Variants in PRR7 observed in about 807,000 individuals in gnomAD.
PRR7 encodes the protein proline rich 7, synaptic, also known as proline-rich protein 7.
A neutral mutation model predicts 18.5 loss-of-function variants in PRR7; 8 were observed. The observed-to-expected ratio is 0.43, with a 90% CI of 0.25 to 0.78. The LOEUF (loss-of-function observed/expected upper bound fraction) is 0.78, where lower values mean the gene tolerates loss of function less well. Ranked by LOEUF, PRR7 falls within the 30% of genes least tolerant of loss-of-function variation. The pLI is 0.22. For missense variants in PRR7, 396 were observed against 403.1 expected (o/e 0.98, Z 0.15); for synonymous variants, 221 against 187.7 (o/e 1.18, Z -1.45).
At position 177,454,780 on chromosome 5, in the gene PRR7, CGTT is replaced by C. The variant is rs1325663162; in HGVS notation, c.-239-47_-239-45del. On this transcript the variant is annotated intron_variant, in intron 2 of 3. Transcript: ENST00000323249. The surrounding 1 kb of genome is among the most constrained non-coding windows in gnomAD (Gnocchi z 4.7). Reference sequence around the variant, plus strand: ...AGGGCGCGGGCGGGGGCCGGGAAGTCGTTGGGGGCCGCGGCGCGCCTTCACTGC... The same window carrying C: ...AGGGCGCGGGCGGGGGCCGGGAAGTCGGGGGCCGCGGCGCGCCTTCACTGC... 1.0e-5 allele frequency: 2 copies of C among 195,518 alleles called. No individual in the cohort carries two copies. Among genetic ancestry groups the C allele is most frequent in the African/African-American group, 4.7e-5 (2 of 42,722 alleles). 12.1% of individuals were successfully genotyped at this position (195,518 alleles called of 1,614,324 possible).
chr5:177,451,922 T>C (rs775298024), intron 1 of PRR7, among the ~76,000 whole-genome samples: 10 of 134,822 alleles, frequency 7.4e-5, no homozygotes, highest in Non-Finnish European at 1.3e-4. Context: ...TGTCTGTTGG[T>C]ACCTCCACAC....
chr5:177,455,061 C>A lies in PRR7; in HGVS notation c.-7C>A. The stretch of plus-strand genomic sequence containing the variant: ...GCGTCTGAGGACCCGCCGCCCGTGC[C>A]GCCGCCATGGTGATGTCCCAGGGCA... On this transcript the variant is annotated 5_prime_UTR_variant, in exon 3 of 4. Coordinates refer to ENST00000323249, the MANE Select transcript of PRR7 (RefSeq NM_030567.5). This position sits in a 1 kb window ranked among gnomAD's most constrained non-coding sequence, Gnocchi z 6.9. 2 of 1,451,846 alleles carry A rather than the reference C, an allele frequency of 1.4e-6. No homozygotes were observed. Among genetic ancestry groups the A allele is most frequent in the South Asian group, 2.9e-5 (2 of 69,704 alleles). 89.9% of individuals were successfully genotyped at this position (1,451,846 alleles called of 1,614,324 possible). A position where few individuals can be genotyped will look rare whatever the true frequency, so the allele number is the denominator to read the frequency against.
rs758130783 is a variant in PRR7, at chr5:177,455,029, C to T, written c.-39C>T. 6 of 1,435,328 alleles carry T rather than the reference C, an allele frequency of 4.2e-6. No homozygotes were observed. Among genetic ancestry groups the T allele is most frequent in the Non-Finnish European group, 5.5e-6 (6 of 1,096,162 alleles). 88.9% of individuals were successfully genotyped at this position (1,435,328 alleles called of 1,614,324 possible). A position where few individuals can be genotyped will look rare whatever the true frequency, so the allele number is the denominator to read the frequency against. On this transcript the variant is annotated 5_prime_UTR_variant, in exon 3 of 4. The change creates a premature stop within an existing upstream ORF in the 5' untranslated region. Transcript: ENST00000323249. The surrounding 1 kb of genome is among the most constrained non-coding windows in gnomAD (Gnocchi z 6.9). ...GGGCCACGCAGCGGAGCCCAGTGTC[C>T]AGTGAAGCGTCTGAGGACCCGCCGC...
intron 1 of PRR7, among the ~76,000 whole-genome samples, chr5:177,452,898 C>T (rs530519949): frequency 3.9e-5 from 6 of 152,310 alleles, no homozygotes; most frequent in African/African-American, 1.4e-4. Flanking sequence ...ACAGCAGAGT[C>T]GGGCTGGTGA....
Position 177,455,571 on chromosome 5 carries a change from T to G in PRR7, c.427+77T>G. The G allele has an allele frequency of 7.1e-7, 1 of 1,418,244 alleles. No individual in the cohort carries two copies. Among genetic ancestry groups the G allele is most frequent in the South Asian group, 1.5e-5 (1 of 66,644 alleles). 87.9% of individuals were successfully genotyped at this position (1,418,244 alleles called of 1,614,324 possible). A position where few individuals can be genotyped will look rare whatever the true frequency, so the allele number is the denominator to read the frequency against. On this transcript the variant is annotated intron_variant, in intron 3 of 3. Transcript: ENST00000323249. The surrounding 1 kb of genome is among the most constrained non-coding windows in gnomAD (Gnocchi z 6.9). ...GCGTTGGAGGGCTCGCTGCTTACCC[T>G]CAGGGCTTCCATCCGCAGCCTCCGG...
chr5:177,448,627 AT>A (rs963718975), intron 1 of PRR7, among the ~76,000 whole-genome samples: 1 of 152,194 alleles, frequency 6.6e-6, no homozygotes, highest in African/African-American at 2.4e-5. Flanking sequence ...CAGTGAGGAC[AT>A]TCCCTGTCTT....
Position 177,455,045 on chromosome 5 carries a change from G to C in PRR7, c.-23G>C. 4 of 1,446,444 alleles carry C rather than the reference G, an allele frequency of 2.8e-6. No homozygotes were observed. Among genetic ancestry groups the C allele is most frequent in the Non-Finnish European group, 3.6e-6 (4 of 1,100,510 alleles). 89.6% of individuals were successfully genotyped at this position (1,446,444 alleles called of 1,614,324 possible). ...CCCAGTGTCCAGTGAAGCGTCTGAG[G>C]ACCCGCCGCCCGTGCCGCCGCCATG... On this transcript the variant is annotated 5_prime_UTR_variant, in exon 3 of 4. Transcript: ENST00000323249. This position sits in a 1 kb window ranked among gnomAD's most constrained non-coding sequence, Gnocchi z 6.9.
rs1338518521 is a variant in PRR7 at position 177,449,104 on chromosome 5, A to G, written c.-325+2144A>G. The stretch of plus-strand genomic sequence containing the variant: ...GAACCAGAAATCCAGACCTTTATAT[A>G]AAATCTCCTGGATTTTTAAATGTTG... On this transcript the variant is annotated intron_variant, in intron 1 of 3. Transcript: ENST00000323249. This position sits in a 1 kb window ranked among gnomAD's most constrained non-coding sequence, Gnocchi z 4.2. Among the ~76,000 whole-genome samples, 1 of 152,254 alleles carries G rather than the reference A, an allele frequency of 6.6e-6. No individual in the cohort carries two copies. The highest frequency in any genetic ancestry group is 1.5e-5 in the Non-Finnish European group (1 of 68,048).
At chr5:177,452,187 A>G (rs1234084419) in intron 1 of PRR7, among the ~76,000 whole-genome samples, 1 of 152,146 alleles carries the variant, frequency 6.6e-6, no homozygotes, top group Non-Finnish European at 1.5e-5. Context: ...CAAATGGCAG[A>G]CTTCGGTCCA....
rs766114858 is a variant in PRR7 at position 177,455,158 on chromosome 5, T to C, written c.91T>C (p.Cys31Arg). 6.3e-7 allele frequency: 1 copy of C among 1,575,862 alleles called. No homozygotes were observed. Among genetic ancestry groups the C allele is most frequent in the South Asian group, 1.1e-5 (1 of 87,200 alleles). ...WGLIVLLCCFCSFLRRRLKRR... is the reference protein window; with the variant it reads ...WGLIVLLCCFRSFLRRRLKRR... ...TCTCATCGTCCTGCTCTGCTGCTTC[T>C]GCAGCTTCCTGCGCCGCCGCCTCAA... Residue 31 changes from cysteine to arginine, a missense_variant, in exon 3 of 4, where the codon TGC (cysteine) becomes CGC (arginine). Around this residue, in one of 2 missense-constraint regions of PRR7, gnomAD observed 383 missense variants for 372.6 expected, o/e 1.03. Transcript: ENST00000323249. The surrounding 1 kb of genome is among the most constrained non-coding windows in gnomAD (Gnocchi z 6.9).
intron 1 of PRR7, 110 bp from the exon 2 acceptor site, chr5:177,453,846 G>C (rs1756268194): frequency 6.6e-6 from 1 of 152,302 alleles, no homozygotes; most frequent in Admixed American, 6.5e-5. Flanking sequence ...GTTCAAACCT[G>C]TGTGTATAAG....
At chr5:177,451,020 TGGG>T (rs1031802443) in intron 1 of PRR7, among the ~76,000 whole-genome samples, 11 of 152,030 alleles carry the variant, frequency 7.2e-5, no homozygotes, top group African/African-American at 2.4e-4. Flanking sequence ...AGCATGGTGA[TGGG>T]GGCCAGGGGA....
chr5:177,451,238 G>C (rs1277562151), intron 1 of PRR7, among the ~76,000 whole-genome samples: 1 of 152,236 alleles, frequency 6.6e-6, no homozygotes, highest in East Asian at 1.9e-4. Flanking sequence ...ATGCAGCCAG[G>C]CCCTGGCTCT....
Position 177,456,262 on chromosome 5 carries a change from A to G in PRR7, c.*141A>G. ...GTTTGTTACATTTTGAGGATAATAA[A>G]GGTGTGTGATCTGGTTTGGTACAAG... On this transcript the variant is annotated 3_prime_UTR_variant, in exon 4 of 4. Transcript: ENST00000323249. The G allele has an allele frequency of 8.8e-7, 1 of 1,136,206 alleles. No individual in the cohort carries two copies. Among genetic ancestry groups the G allele is most frequent in the Non-Finnish European group, 1.2e-6 (1 of 847,552 alleles). The allele number at this position is 1,136,206 out of a possible 1,614,324, so 70.4% of individuals were successfully genotyped here.
Position 177,455,689 on chromosome 5 carries a change from G to A in PRR7, c.428-35G>A, listed in dbSNP as rs765476096. 1.1e-5 allele frequency: 16 copies of A among 1,519,342 alleles called. No homozygotes were observed. Among genetic ancestry groups the A allele is most frequent in the Non-Finnish European group, 1.4e-5 (16 of 1,130,258 alleles). 94.1% of individuals were successfully genotyped at this position (1,519,342 alleles called of 1,614,324 possible). A position where few individuals can be genotyped will look rare whatever the true frequency, so the allele number is the denominator to read the frequency against. ...CCTCTGCGAGAGGCTGGGAACCGGC[G>A]GCCTCACCTCCTCCGACCGCCTCCC... On this transcript the variant is annotated intron_variant, in intron 3 of 3. Transcript: ENST00000323249. The surrounding 1 kb of genome is among the most constrained non-coding windows in gnomAD (Gnocchi z 6.9).
At chr5:177,447,452 C>T (rs1020808584) in intron 1 of PRR7, among the ~76,000 whole-genome samples, 1 of 152,158 alleles carries the variant, frequency 6.6e-6, no homozygotes, top group Non-Finnish European at 1.5e-5. Flanking sequence ...CAGCAGGGCT[C>T]CTGGGGTGGC....
At chr5:177,453,207 C>T (rs1408504909) in intron 1 of PRR7, among the ~76,000 whole-genome samples, 1 of 152,236 alleles carries the variant, frequency 6.6e-6, no homozygotes, top group East Asian at 1.9e-4. Flanking sequence ...ACCCCATCAC[C>T]TCCAGCCCCA....
chr5:177,453,293 A>T (rs894156163), intron 1 of PRR7, among the ~76,000 whole-genome samples: 8 of 152,230 alleles, frequency 5.3e-5, no homozygotes, highest in Non-Finnish European at 8.8e-5. Flanking sequence ...GTTTCCTCAG[A>T]GCATTCCTGA....
intron 1 of PRR7, chr5:177,447,839 G>C (rs1217630836): frequency 1.3e-5 from 2 of 152,434 alleles, no homozygotes; most frequent in Non-Finnish European, 2.9e-5. Flanking sequence ...GGCCAAATGG[G>C]AGCGACCCAG....
Sources: allele counts gnomAD v4.1 joint callset (sites outside exome capture counted in the v4.1 genomes callset), GRCh38; gene constraint gnomAD v4.1.1; regional missense constraint gnomAD v4.1.1; non-coding constraint Gnocchi (gnomAD v3.1); transcripts MANE v1.5; gene names NCBI Gene and HGNC (gene_info 2026-07-23, HGNC 2026-07-21).